The following IRF4 variants were observed in gnomAD, a reference collection of about 807,000 sequenced individuals.
IRF4 encodes the protein lymphocyte-specific interferon regulatory factor.
In IRF4, 13 loss-of-function variants were observed where a neutral mutation model predicts 55.5. The observed-to-expected ratio is 0.23, with a 90% CI of 0.15 to 0.37. IRF4 has a LOEUF of 0.37. Among genes scored for constraint, IRF4 ranks in the 10% least tolerant of loss-of-function variants. The pLI, the probability that IRF4 is intolerant of heterozygous loss-of-function variation, is 1.00. For missense variants in IRF4, 397 were observed against 593.8 expected (o/e 0.67, Z 3.44); for synonymous variants, 249 against 240.7 (o/e 1.03, Z -0.32).
At chr6:404,335 A>G (rs1179008706) in intron 7 of IRF4, among the ~76,000 whole-genome samples, 1 of 152,206 alleles carries the variant, frequency 6.6e-6, no homozygotes, top group Non-Finnish European at 1.5e-5. Flanking sequence ...GTACATGTGT[A>G]TATCCACAAG....
chr6:395,763 C>G (rs1352403238), intron 3 of IRF4, 84 bp from the exon 4 acceptor site: 24 of 964,154 alleles, frequency 2.5e-5, no homozygotes, highest in Non-Finnish European at 3.4e-5. Context: ...ATTAAATGCT[C>G]AGGTATTTTT....
intron 7 of IRF4, among the ~76,000 whole-genome samples, chr6:404,150 C>T (rs775593036): frequency 6.6e-6 from 1 of 152,190 alleles, no homozygotes; most frequent in African/African-American, 2.4e-5. Context: ...TGTAGCGGCT[C>T]CTGTGTCAAC....
Position 409,908 on chromosome 6 carries a change from T to G in IRF4, c.*2310T>G. On this transcript the variant is annotated 3_prime_UTR_variant, in exon 9 of 9. Coordinates refer to ENST00000380956, the MANE Select transcript of IRF4 (RefSeq NM_002460.4). Reference sequence around the variant, plus strand: ...TTTGTTTTTTTAAATATTATGCTGCTTTAACAGTGGAGCTGAATTTTCTGG... The same window carrying G: ...TTTGTTTTTTTAAATATTATGCTGCGTTAACAGTGGAGCTGAATTTTCTGG... The G allele has an allele frequency of 4.4e-6, 1 of 229,578 alleles. No individual in the cohort carries two copies. Among genetic ancestry groups the G allele is most frequent in the Non-Finnish European group, 8.7e-6 (1 of 115,548 alleles). 14.2% of individuals were successfully genotyped at this position (229,578 alleles called of 1,614,324 possible). A position where few individuals can be genotyped will look rare whatever the true frequency, so the allele number is the denominator to read the frequency against.
chr6:403,609 T>C (rs192900305), intron 7 of IRF4, among the ~76,000 whole-genome samples: 1 of 152,366 alleles, frequency 6.6e-6, no homozygotes, highest in African/African-American at 2.4e-5. Flanking sequence ...CTTGCGCGAC[T>C]AGAACTTACT....
Position 408,466 on chromosome 6 carries a change from C to T in IRF4, c.*868C>T, listed in dbSNP as rs1462786554. On this transcript the variant is annotated 3_prime_UTR_variant, in exon 9 of 9. Transcript: ENST00000380956. ...CTTCCTATTTTCTTGAGTCAAAAAA[C>T]ATGAGCGCTACTCTTGGATGGGACA... 6 of 229,712 alleles carry T rather than the reference C, an allele frequency of 2.6e-5. No individual in the cohort carries two copies. Among genetic ancestry groups the T allele is most frequent in the Non-Finnish European group, 4.3e-5 (5 of 115,840 alleles). 14.2% of individuals were successfully genotyped at this position (229,712 alleles called of 1,614,324 possible).
In IRF4 at chr6:407,969, G is replaced by A. The variant is rs55788549; in HGVS notation, c.*371G>A. On this transcript the variant is annotated 3_prime_UTR_variant, in exon 9 of 9. Transcript: ENST00000380956. ...TCAGTGACATCTGATTGGCAGATGA[G>A]CTTATTTCAAAAGGAAGGGTGGCTT... 16 of 296,090 alleles carry A rather than the reference G, an allele frequency of 5.4e-5. No homozygotes were observed. The East Asian group carries it at 8.5e-4, about 16-fold the overall frequency. 18.3% of individuals were successfully genotyped at this position (296,090 alleles called of 1,614,324 possible). A position where few individuals can be genotyped will look rare whatever the true frequency, so the allele number is the denominator to read the frequency against.
intron 1 of IRF4, among the ~76,000 whole-genome samples, chr6:392,752 C>G (rs777107088): frequency 6.6e-6 from 1 of 152,094 alleles, no homozygotes; most frequent in Admixed American, 6.5e-5. Flanking sequence ...CGAGTGAGTG[C>G]GGAAGGAGGG....
chr6:397,306 G>A, intron 5 of IRF4, 54 bp downstream of exon 5: 1 of 1,591,410 alleles, frequency 6.3e-7, no homozygotes, highest in South Asian at 1.1e-5. Flanking sequence ...ATGTGGCCAT[G>A]GGCCATGGCG....
chr6:396,329 C>T (rs1761257669), intron 4 of IRF4, among the ~76,000 whole-genome samples: 1 of 152,170 alleles, frequency 6.6e-6, no homozygotes, highest in African/African-American at 2.4e-5. Flanking sequence ...GGCAAATTCC[C>T]CTGTGGTACT....
intron 7 of IRF4, among the ~76,000 whole-genome samples, chr6:402,514 C>T (rs914394573): frequency 1.3e-5 from 2 of 152,222 alleles, no homozygotes; most frequent in African/African-American, 4.8e-5. Flanking sequence ...CCAGTCCTGT[C>T]CCTTCCTGAG....
intron 6 of IRF4, among the ~76,000 whole-genome samples, chr6:401,191 T>A (rs1761387469): frequency 2.0e-5 from 3 of 152,242 alleles, no homozygotes. Context: ...TAAATGGGTT[T>A]CTTTCCACGG....
intron 8 of IRF4, among the ~76,000 whole-genome samples, chr6:406,577 C>A (rs1581231709): frequency 6.6e-6 from 1 of 151,922 alleles, no homozygotes; most frequent in African/African-American, 2.4e-5. Flanking sequence ...ATGATCAGCT[C>A]AGCTATCACA....
In IRF4 at chr6:410,516, G is replaced by A; in HGVS notation, c.*2918G>A. 1 of 228,484 alleles carries A rather than the reference G, an allele frequency of 4.4e-6. No individual in the cohort carries two copies. The highest frequency in any genetic ancestry group is 1.8e-4 in the South Asian group (1 of 5,478). The allele number at this position is 228,484 out of a possible 1,614,324, so 14.2% of individuals were successfully genotyped here. The stretch of plus-strand genomic sequence containing the variant: ...TGAAATGAGCAGCCCTTACAGTATT[G>A]TTACCACCAAGGGCAGGTAGGTATT... On this transcript the variant is annotated 3_prime_UTR_variant, in exon 9 of 9. Coordinates refer to ENST00000380956, the MANE Select transcript of IRF4 (RefSeq NM_002460.4).
At position 409,087 on chromosome 6, in the gene IRF4, C is replaced by T. The variant is rs187034106; in HGVS notation, c.*1489C>T. Reference sequence around the variant, plus strand: ...TACTCCCAGGATCAGCAGAAGATTGCGTAGCTCTCAAATGTGTGTTCCTGC... The same window carrying T: ...TACTCCCAGGATCAGCAGAAGATTGTGTAGCTCTCAAATGTGTGTTCCTGC... On this transcript the variant is annotated 3_prime_UTR_variant, in exon 9 of 9. Coordinates refer to ENST00000380956, the MANE Select transcript of IRF4 (RefSeq NM_002460.4). The T allele has an allele frequency of 1.2e-4, 25 of 215,982 alleles. No individual in the cohort carries two copies. The highest frequency in any genetic ancestry group is 9.9e-4 in the Admixed American group (17 of 17,158). 13.4% of individuals were successfully genotyped at this position (215,982 alleles called of 1,614,324 possible). A position where few individuals can be genotyped will look rare whatever the true frequency, so the allele number is the denominator to read the frequency against.
chr6:401,227 C>T (rs1014951928), intron 6 of IRF4, among the ~76,000 whole-genome samples, 197 bp from the exon 7 acceptor site: 4 of 152,206 alleles, frequency 2.6e-5, no homozygotes, highest in African/African-American at 9.6e-5. Context: ...TGACCGAGCT[C>T]ATGCTGTCTG....
Position 393,042 on chromosome 6 carries a change from G to A in IRF4, c.-55-56G>A, listed in dbSNP as rs1255015916. On this transcript the variant is annotated intron_variant, in intron 1 of 8. Coordinates refer to ENST00000380956, the MANE Select transcript of IRF4 (RefSeq NM_002460.4). The surrounding 1 kb of genome is among the most constrained non-coding windows in gnomAD (Gnocchi z 5.4). Reference sequence around the variant, plus strand: ...GTGGTCACTGGCGCAGGGGATCGGGGCGGGGTGCCCGGAGTGCGGTGCCTC... The same window carrying A: ...GTGGTCACTGGCGCAGGGGATCGGGACGGGGTGCCCGGAGTGCGGTGCCTC... 4 of 1,003,528 alleles carry A rather than the reference G, an allele frequency of 4.0e-6. No homozygotes were observed. Among genetic ancestry groups the A allele is most frequent in the African/African-American group, 1.6e-5 (1 of 60,784 alleles). 62.2% of individuals were successfully genotyped at this position (1,003,528 alleles called of 1,614,324 possible).
At chr6:397,042 C>T in intron 4 of IRF4, 66 bp from the exon 5 acceptor site, 1 of 1,164,922 alleles carries the variant, frequency 8.6e-7, no homozygotes. Context: ...TCAGCCTCTC[C>T]TGCACTCCTT....
Position 408,185 on chromosome 6 carries a change from C to T in IRF4, c.*587C>T, listed in dbSNP as rs141513891. On this transcript the variant is annotated 3_prime_UTR_variant, in exon 9 of 9. Coordinates refer to ENST00000380956, the MANE Select transcript of IRF4 (RefSeq NM_002460.4). ...TGACTGCTTGTAGGTATGTCTGTGC[C>T]ATTTCTCAGGGAAGTAAGATGTAAA... The T allele has an allele frequency of 3.2e-3, 750 of 233,520 alleles. 9 individuals are homozygous for T. The highest frequency in any genetic ancestry group is 0.015 in the African/African-American group (703 of 45,434). 14.5% of individuals were successfully genotyped at this position (233,520 alleles called of 1,614,324 possible).
At chr6:396,591 C>T (rs1053240913) in intron 4 of IRF4, among the ~76,000 whole-genome samples, 5 of 143,750 alleles carry the variant, frequency 3.5e-5, no homozygotes, top group Non-Finnish European at 4.6e-5. Context: ...CCTTTACCCC[C>T]GTCTCGATGC....
Sources: allele counts gnomAD v4.1 joint callset (sites outside exome capture counted in the v4.1 genomes callset), GRCh38; gene constraint gnomAD v4.1.1; non-coding constraint Gnocchi (gnomAD v3.1); transcripts MANE v1.5; gene names NCBI Gene and HGNC (gene_info 2026-07-23, HGNC 2026-07-21).